DIDO1: variants seen among roughly 807,000 people sequenced by gnomAD.
The protein encoded by DIDO1 is death inducer-obliterator 1, also known as death-inducer obliterator 1.
A neutral mutation model predicts 99.4 loss-of-function variants in DIDO1; 16 were observed. The observed-to-expected ratio is 0.16, with a 90% CI of 0.11 to 0.24. The LOEUF is 0.24. Among genes scored for constraint, DIDO1 ranks in the 10% least tolerant of loss-of-function variants. The pLI, the probability that DIDO1 is intolerant of heterozygous loss-of-function variation, is 1.00. For missense variants in DIDO1, 2,996 were observed against 3,014.0 expected, an observed-to-expected ratio of 0.99 and a Z score of 0.14; for synonymous variants, 1,366 against 1,239.1, an observed-to-expected ratio of 1.10 and a Z score of -2.15.
At chr20:62,901,888 T>C (rs1055562028) in intron 6 of DIDO1, among the ~76,000 whole-genome samples, 9 of 151,622 alleles carry the variant, frequency 5.9e-5, no homozygotes, top group Non-Finnish European at 8.8e-5. Flanking sequence ...GTGTACCACA[T>C]TGGAGGAATT....
At chr20:62,921,284 A>C (rs532775484) in intron 1 of DIDO1, among the ~76,000 whole-genome samples, 1 of 152,316 alleles carries the variant, frequency 6.6e-6, no homozygotes, top group South Asian at 2.1e-4. Flanking sequence ...GATATAACAA[A>C]AGCTCTTTGG....
chr20:62,904,124 T>C (rs1056388693), intron 6 of DIDO1, among the ~76,000 whole-genome samples: 1 of 152,234 alleles, frequency 6.6e-6, no homozygotes, highest in Non-Finnish European at 1.5e-5. Flanking sequence ...CCCACTTATC[T>C]GAACTGAGGC....
At chr20:62,918,887 A>G (rs1247862870) in intron 1 of DIDO1, among the ~76,000 whole-genome samples, 1 of 152,154 alleles carries the variant, frequency 6.6e-6, no homozygotes, top group African/African-American at 2.4e-5. Context: ...AACTACCACA[A>G]ATGAAGGAAA....
At chr20:62,889,228 C>T (rs974914126) in intron 15 of DIDO1, 2 of 985,598 alleles carry the variant, frequency 2.0e-6, no homozygotes, top group Non-Finnish European at 2.4e-6. Context: ...TCCCTCTGCC[C>T]CGGGGCTGCA....
chr20:62,882,534 T>TGG, intron 15 of DIDO1, 120 bp from the exon 16 acceptor site: 1 of 1,000,732 alleles, frequency 1.0e-6, no homozygotes, highest in East Asian at 2.5e-5. Flanking sequence ...AGCCATTCTG[T>TGG]GGCAAAATAA....
chr20:62,900,114 G>A (rs1400628061), intron 6 of DIDO1, among the ~76,000 whole-genome samples: 6 of 151,926 alleles, frequency 3.9e-5, no homozygotes, highest in Non-Finnish European at 5.9e-5. Flanking sequence ...ACGCTGCTGG[G>A]CCCCCTGGGG....
intron 3 of DIDO1, 92 bp from the exon 4 acceptor site, chr20:62,910,112 A>G: frequency 2.3e-6 from 3 of 1,332,840 alleles, no homozygotes; most frequent in Non-Finnish European, 3.0e-6. Context: ...AACTTCATGA[A>G]AAAATGCAAA....
intron 1 of DIDO1, among the ~76,000 whole-genome samples, chr20:62,918,570 C>T (rs1026908136): frequency 1.3e-5 from 2 of 152,196 alleles, no homozygotes; most frequent in African/African-American, 2.4e-5. Context: ...GAAAAGAGCT[C>T]TGACTTCTAA....
upstream of DIDO1, among the ~76,000 whole-genome samples, chr20:62,927,799 C>A (rs376356973): frequency 6.6e-6 from 1 of 152,192 alleles, no homozygotes; most frequent in Admixed American, 6.5e-5. Context: ...AGGAATACAA[C>A]GCAGCTTGTT....
At chr20:62,899,262 A>C (rs935343053) in intron 6 of DIDO1, among the ~76,000 whole-genome samples, 2 of 152,246 alleles carry the variant, frequency 1.3e-5, no homozygotes, top group Non-Finnish European at 2.9e-5. Context: ...AAGAACTCTA[A>C]AAAAGCTGGC....
rs2064202292 is a variant in DIDO1, at chr20:62,881,357, C to T, written c.4599G>A (p.Glu1533=). 1.9e-6 allele frequency: 3 copies of T among 1,605,840 alleles called. No individual in the cohort carries two copies. Among genetic ancestry groups the T allele is most frequent in the Admixed American group, 1.7e-5 (1 of 59,994 alleles). ...CAGACTGCTGCTCTTGCTGGAACAG[C>T]TCTGCCTTGGGCAAGGACGACTTTG... ...PPPKSSLPKA[E]LFQQEQQSAD... Residue 1533 remains glutamate (E), a synonymous_variant, in exon 16 of 16, where the codon GAG becomes GAA. Coordinates refer to ENST00000395343, the MANE Select transcript of DIDO1 (RefSeq NM_001193369.2). The surrounding 1 kb of genome is among the most constrained non-coding windows in gnomAD (Gnocchi z 8.3).
At chr20:62,882,465 C>G in intron 15 of DIDO1, 51 bp from the exon 16 acceptor site, 2 of 1,541,578 alleles carry the variant, frequency 1.3e-6, no homozygotes, top group Admixed American at 3.7e-5. Flanking sequence ...CCAGCTTTTA[C>G]CCTTTAGAGG....
rs370927789 is a variant in DIDO1, at chr20:62,894,205, C to T, written c.2573-11G>A. The stretch of plus-strand genomic sequence containing the variant: ...CGGAGGGAACCTGGCCTGAAGAAGG[C>T]GAGGAAAGGCTCTGTGAGAAACCCA... On this transcript the variant is annotated splice_polypyrimidine_tract_variant and intron_variant, in intron 11 of 15. Coordinates refer to ENST00000395343, the MANE Select transcript of DIDO1 (RefSeq NM_001193369.2). This position sits in a 1 kb window ranked among gnomAD's most constrained non-coding sequence, Gnocchi z 4.4. The T allele has an allele frequency of 1.3e-5, 21 of 1,606,996 alleles. No homozygotes were observed. The highest frequency in any genetic ancestry group is 6.6e-5 in the South Asian group (6 of 90,924).
intron 1 of DIDO1, among the ~76,000 whole-genome samples, chr20:62,915,338 G>C (rs2065019297): frequency 6.6e-6 from 1 of 151,860 alleles, no homozygotes; most frequent in African/African-American, 2.4e-5. Flanking sequence ...CATTCCCTCT[G>C]ATAAGCCAAA....
In DIDO1 at chr20:62,911,767, A is replaced by C. The variant is rs1247971468; in HGVS notation, c.-2-153T>G. Among the ~76,000 whole-genome samples the C allele has an allele frequency of 1.3e-5, 2 of 152,240 alleles. No individual in the cohort carries two copies. Among genetic ancestry groups the C allele is most frequent in the Non-Finnish European group, 2.9e-5 (2 of 68,044 alleles). ...TGACCAGTGTTTCCTAATGTGTGCT[A>C]TGTGAGATGATTCAAGATGATTTGT... On this transcript the variant is annotated intron_variant, in intron 2 of 15. Coordinates refer to ENST00000395343, the MANE Select transcript of DIDO1 (RefSeq NM_001193369.2). The surrounding 1 kb of genome is among the most constrained non-coding windows in gnomAD (Gnocchi z 7.0).
chr20:62,905,874 A>G lies in DIDO1; in HGVS notation c.1588+13T>C, dbSNP rs1430357619. ...GGAGGGGTCCAGGAGGCCAACCCCT[A>G]GGTGATACATACATTTATACAACAG... On this transcript the variant is annotated intron_variant, in intron 6 of 15. Transcript: ENST00000395343. 1.9e-6 allele frequency: 3 copies of G among 1,614,074 alleles called. No individual in the cohort carries two copies. Among genetic ancestry groups the G allele is most frequent in the Non-Finnish European group, 2.5e-6 (3 of 1,180,044 alleles).
chr20:62,929,028 G>A (rs1341547045), upstream of DIDO1: 1 of 152,164 alleles, frequency 6.6e-6, no homozygotes, highest in Non-Finnish European at 1.5e-5. Flanking sequence ...GTCCGCAGCA[G>A]AATACCCTGA....
In DIDO1 at chr20:62,896,178, T is replaced by C; in HGVS notation, c.2214+55A>G. 6.5e-7 allele frequency: 1 copy of C among 1,543,518 alleles called. No individual in the cohort carries two copies. ...ATCTCAAAATATTGGTTGATCCCTT[T>C]AGCACCCAGCGAACAGAACAGGAAT... On this transcript the variant is annotated intron_variant, in intron 8 of 15. Coordinates refer to ENST00000395343, the MANE Select transcript of DIDO1 (RefSeq NM_001193369.2). The surrounding 1 kb of genome is among the most constrained non-coding windows in gnomAD (Gnocchi z 4.4).
intron 15 of DIDO1, chr20:62,890,437 T>C (rs2147384241): frequency 1.0e-6 from 1 of 990,384 alleles, no homozygotes; most frequent in African/African-American, 1.7e-5. Flanking sequence ...ACAAAATAGC[T>C]TGCCAAAGAT....
Sources: allele counts gnomAD v4.1 joint callset (sites outside exome capture counted in the v4.1 genomes callset), GRCh38; gene constraint gnomAD v4.1.1; non-coding constraint Gnocchi (gnomAD v3.1); transcripts MANE v1.5; gene names NCBI Gene and HGNC (gene_info 2026-07-23, HGNC 2026-07-21).